The following CD44 variants were observed in gnomAD, a reference collection of about 807,000 sequenced individuals.
The protein encoded by CD44 is CD44 molecule (IN blood group).
In CD44, 49 loss-of-function variants were observed where a neutral mutation model predicts 88.8. The ratio of observed to expected loss-of-function variants is 0.55; its 90% CI spans 0.44 to 0.70. CD44 has a LOEUF of 0.70. Ranked by LOEUF, CD44 falls within the 30% of genes least tolerant of loss-of-function variation. The pLI, the probability that CD44 is intolerant of heterozygous loss-of-function variation, is 0.00. For synonymous variants in CD44, 325 were observed against 312.3 expected (o/e 1.04, Z -0.43); for missense variants, 883 against 913.8 (o/e 0.97, Z 0.43).
At chr11:35,164,626 C>T (rs1565041865) in intron 1 of CD44, among the ~76,000 whole-genome samples, 1 of 152,094 alleles carries the variant, frequency 6.6e-6, no homozygotes, top group Non-Finnish European at 1.5e-5. Flanking sequence ...TTGTATAAAT[C>T]TGGCCAAGTC....
intron 1 of CD44, among the ~76,000 whole-genome samples, chr11:35,167,101 A>C (rs1223931992): frequency 6.6e-6 from 1 of 152,242 alleles, no homozygotes; most frequent in Admixed American, 6.5e-5. Context: ...CTTCGAACAA[A>C]TGAAGAAGAA....
chr11:35,142,180 C>CT (rs1000812670), intron 1 of CD44, among the ~76,000 whole-genome samples: 113 of 150,848 alleles, frequency 7.5e-4, no homozygotes, highest in East Asian at 3.1e-3. Context: ...GTGAGGGGAT[C>CT]TTTTTTTTTA....
chr11:35,144,338 G>T (rs1178407122), intron 1 of CD44, among the ~76,000 whole-genome samples: 1 of 152,232 alleles, frequency 6.6e-6, no homozygotes, highest in Non-Finnish European at 1.5e-5. Flanking sequence ...GGTGGCAGAT[G>T]CTACCAGGCA....
intron 7 of CD44, among the ~76,000 whole-genome samples, chr11:35,199,159 A>C (rs1033651477): frequency 2.0e-5 from 3 of 152,224 alleles, no homozygotes; most frequent in Non-Finnish European, 2.9e-5. Context: ...GGCAAATGTC[A>C]GGTTAGCTTT....
At chr11:35,173,736 G>T (rs180701271) in intron 1 of CD44, among the ~76,000 whole-genome samples, 1 of 152,264 alleles carries the variant, frequency 6.6e-6, no homozygotes. Context: ...TCGTGGTTGA[G>T]ACCTGCTTCC....
At chr11:35,213,425 C>T (rs914587802) in intron 14 of CD44, among the ~76,000 whole-genome samples, 3 of 152,020 alleles carry the variant, frequency 2.0e-5, no homozygotes, top group East Asian at 1.9e-4. Context: ...TTGAAGCAAG[C>T]GGATCACTTG....
chr11:35,207,427 T>C (rs185391648), intron 11 of CD44, among the ~76,000 whole-genome samples: 155 of 152,306 alleles, frequency 1.0e-3, no homozygotes, highest in African/African-American at 3.7e-3. Context: ...TTCAGCAGAG[T>C]AGATCTGTGA....
At chr11:35,162,925 C>T (rs1002328339) in intron 1 of CD44, among the ~76,000 whole-genome samples, 5 of 152,042 alleles carry the variant, frequency 3.3e-5, no homozygotes, top group African/African-American at 7.2e-5. Flanking sequence ...CACCCATGTT[C>T]GCTTTAGCAT....
chr11:35,169,834 G>A (rs1276359243), intron 1 of CD44, among the ~76,000 whole-genome samples: 1 of 152,206 alleles, frequency 6.6e-6, no homozygotes, highest in African/African-American at 2.4e-5. Flanking sequence ...TTATCCAGGA[G>A]AGAATGCATA....
At chr11:35,223,831 T>G (rs895572943) in intron 17 of CD44, among the ~76,000 whole-genome samples, 11 of 152,228 alleles carry the variant, frequency 7.2e-5, no homozygotes, top group Non-Finnish European at 1.5e-4. Flanking sequence ...TTTTCTGCTT[T>G]GAGTGTCACA....
intron 1 of CD44, among the ~76,000 whole-genome samples, chr11:35,151,411 T>C (rs1373289869): frequency 6.6e-6 from 1 of 152,098 alleles, no homozygotes; most frequent in Non-Finnish European, 1.5e-5. Context: ...GCTCCAACAG[T>C]GAGAAAGAAC....
intron 1 of CD44, among the ~76,000 whole-genome samples, chr11:35,143,620 T>C (rs949810776): frequency 6.6e-6 from 1 of 152,112 alleles, no homozygotes; most frequent in African/African-American, 2.4e-5. Context: ...AAGCTATACG[T>C]GGCTCTCCCA....
intron 17 of CD44, 32 bp from the exon 18 acceptor site, chr11:35,229,097 T>C: frequency 6.4e-7 from 1 of 1,566,140 alleles, no homozygotes; most frequent in East Asian, 2.2e-5. Context: ...CACTGCAATC[T>C]TTCTGATATG....
In CD44 at chr11:35,149,744, A is replaced by G. The variant is rs557632879; in HGVS notation, c.67+10374A>G. 2.0e-5 allele frequency among the ~76,000 whole-genome samples: 3 copies of G among 152,346 alleles called. No homozygotes were observed. In the East Asian group the frequency reaches 5.8e-4, roughly 29 times the overall value. ...GAGCCTCATAAAACCTAATGGAAAG[A>G]ATAACACAAAACCACCATAAGGCAG... On this transcript the variant is annotated intron_variant, in intron 1 of 17. Coordinates refer to ENST00000428726, the MANE Select transcript of CD44 (RefSeq NM_000610.4).
In CD44 at chr11:35,186,961, T is replaced by A. The variant is rs578210520; in HGVS notation, c.436+61T>A. On this transcript the variant is annotated intron_variant, in intron 4 of 17. Coordinates refer to ENST00000428726, the MANE Select transcript of CD44 (RefSeq NM_000610.4). ...ATTTTGGGGAAAGGGCTCAGGTGTG[T>A]TCTCTGTGGTATATTTGAATAGAAT... 8.3e-6 allele frequency: 8 copies of A among 964,946 alleles called. No homozygotes were observed. In the Admixed American group the frequency reaches 1.2e-4, roughly 14 times the overall value. The allele number at this position is 964,946 out of a possible 1,614,324, so 59.8% of individuals were successfully genotyped here.
chr11:35,226,180 A>G (rs1174140170), intron 17 of CD44, among the ~76,000 whole-genome samples: 2 of 152,244 alleles, frequency 1.3e-5, no homozygotes, highest in Non-Finnish European at 2.9e-5. Context: ...CAGGCCAACC[A>G]AAAACCAAGC....
At chr11:35,139,494 C>T in intron 1 of CD44, 124 bp downstream of exon 1, 1 of 847,126 alleles carries the variant, frequency 1.2e-6, no homozygotes, top group African/African-American at 1.6e-5. Flanking sequence ...CTGCGAAGTG[C>T]ATTGGGCTCC....
Position 35,219,319 on chromosome 11 carries a change from A to C in CD44, c.1877A>C (p.His626Pro), listed in dbSNP as rs200821637. ...HTTHGSESDG[H>P]SHGSQEGGAN... ...GAGATGTTGTTTTTCCCCTTAGGAC[A>C]CTCACATGGGAGTCAAGAAGGTGGA... Residue 626 changes from histidine to proline, a missense_variant, in exon 16 of 18, where the codon CAC (histidine) becomes CCC (proline). This residue lies in a region of CD44 where 631 missense variants were observed against 590.9 expected (regional missense o/e 1.07). Transcript: ENST00000428726. 1.2e-6 allele frequency: 2 copies of C among 1,613,178 alleles called. No homozygotes were observed. Among genetic ancestry groups the C allele is most frequent in the Non-Finnish European group, 1.7e-6 (2 of 1,179,180 alleles).
At chr11:35,179,279 C>T (rs1031209302) in intron 2 of CD44, among the ~76,000 whole-genome samples, 2 of 152,192 alleles carry the variant, frequency 1.3e-5, no homozygotes, top group Non-Finnish European at 2.9e-5. Context: ...GAAAAACCTG[C>T]TGGATTTAGC....
Sources: gnomAD v4.1 joint callset for allele counts (sites outside exome capture counted in the v4.1 genomes callset) on GRCh38, gnomAD v4.1.1 for gene constraint, gnomAD v4.1.1 regional missense constraint, MANE v1.5 for transcripts, NCBI Gene and HGNC (gene_info 2026-07-23, HGNC 2026-07-21) for gene names.